RAB6A: variants seen among roughly 807,000 people sequenced by gnomAD.
The protein encoded by RAB6A is ras-related protein Rab-6A.
RAB6A carries 8 observed loss-of-function variants against 32.3 expected under a neutral mutation model. The observed-to-expected ratio is 0.25, with a 90% CI of 0.15 to 0.45. The LOEUF (loss-of-function observed/expected upper bound fraction) is 0.45. Among genes scored for constraint, RAB6A ranks in the 20% least tolerant of loss-of-function variants. The pLI is 1.00. For synonymous variants in RAB6A, 73 were observed against 82.1 expected (o/e 0.89, Z 0.60); for missense variants, 104 against 249.4 (o/e 0.42, Z 3.93).
chr11:73,685,885 C>CA (rs56270679), intron 6 of RAB6A, among the ~76,000 whole-genome samples: 3,164 of 102,298 alleles, frequency 0.031, 160 homozygotes, highest in Non-Finnish European at 0.042. Flanking sequence ...AACTCCGTCT[C>CA]AAAAAAAAAA....
At chr11:73,685,592 G>GTCTTTTTTTTTTTTTTTTTTTTTTT (rs1555054185) in intron 6 of RAB6A, among the ~76,000 whole-genome samples, 1 of 145,050 alleles carries the variant, frequency 6.9e-6, no homozygotes, top group African/African-American at 2.5e-5. Context: ...CGGACTGAAA[G>GTCTTTTTTTTTTTTTTTTTTTTTTT]TAGCGACCAG....
chr11:73,746,106 A>AC (rs1469514864), intron 1 of RAB6A, among the ~76,000 whole-genome samples: 1 of 152,020 alleles, frequency 6.6e-6, no homozygotes, highest in Non-Finnish European at 1.5e-5. Context: ...GAGTGAGAGG[A>AC]TCACTTGAGC....
intron 1 of RAB6A, among the ~76,000 whole-genome samples, chr11:73,753,528 G>A (rs11235887): frequency 0.1 from 15,675 of 151,392 alleles, 887 homozygotes; most frequent in South Asian, 0.27. Context: ...TGGCTAACAC[G>A]GTGAAACCCC....
intron 1 of RAB6A, among the ~76,000 whole-genome samples, chr11:73,755,606 A>T (rs527807675): frequency 6.6e-6 from 1 of 152,234 alleles, no homozygotes; most frequent in Admixed American, 6.5e-5. Context: ...ATGTTGACAT[A>T]AACTACATAA....
intron 6 of RAB6A, among the ~76,000 whole-genome samples, chr11:73,686,035 C>T (rs1461431551): frequency 6.6e-6 from 1 of 151,736 alleles, no homozygotes; most frequent in Non-Finnish European, 1.5e-5. Context: ...AGGACTAGAA[C>T]AAAACACCCA....
rs1418917385 is a variant in RAB6A at position 73,675,650 on chromosome 11, G to C, written c.*2248C>G. ...ACCAGGTCAATAATTGTTTTCTTTC[G>C]TGTTTTATTTATATATTTTTGGCAG... On this transcript the variant is annotated 3_prime_UTR_variant, in exon 8 of 8. Transcript: ENST00000336083. 6.6e-6 allele frequency: 1 copy of C among 152,352 alleles called. No individual in the cohort carries two copies. The highest frequency in any genetic ancestry group is 2.4e-5 in the African/African-American group (1 of 41,220). The allele number at this position is 152,352 out of a possible 1,614,324, so 9.4% of individuals were successfully genotyped here. A position where few individuals can be genotyped will look rare whatever the true frequency, so the allele number is the denominator to read the frequency against.
At chr11:73,708,852 T>A (rs75573846) in intron 5 of RAB6A, among the ~76,000 whole-genome samples, 1 of 152,158 alleles carries the variant, frequency 6.6e-6, no homozygotes, top group Non-Finnish European at 1.5e-5. Context: ...GAGTTGTCCT[T>A]ATTCTCAAAA....
At chr11:73,730,698 T>A (rs72976849) in intron 2 of RAB6A, 67 bp downstream of exon 2, 121,357 of 1,298,860 alleles carry the variant, frequency 0.093, 6,597 homozygotes, top group Admixed American at 0.13. Flanking sequence ...AATAATTTTT[T>A]AAAAATATCT....
At chr11:73,718,010 C>T (rs1206575611) in intron 4 of RAB6A, among the ~76,000 whole-genome samples, 1 of 152,172 alleles carries the variant, frequency 6.6e-6, no homozygotes, top group Non-Finnish European at 1.5e-5. Context: ...CTAGTTGTTT[C>T]ACCTCCTATT....
At position 73,686,975 on chromosome 11, in the gene RAB6A, C is replaced by T. The variant is rs114438407; in HGVS notation, c.496-7255G>A. Among the ~76,000 whole-genome samples the T allele has an allele frequency of 5.4e-3, 816 of 151,958 alleles. 7 individuals are homozygous for T. The highest frequency in any genetic ancestry group is 0.018 in the African/African-American group (736 of 41,458). On this transcript the variant is annotated intron_variant, in intron 6 of 7. Transcript: ENST00000336083. ...ATAGCCAAAAGGTAGAAACAACCCA[C>T]GTGCTATATATGTAAATATATATTA... is the stretch of plus-strand genomic sequence containing the variant.
chr11:73,714,237 T>C (rs1019781563), intron 5 of RAB6A, among the ~76,000 whole-genome samples: 2 of 118,086 alleles, frequency 1.7e-5, no homozygotes, highest in African/African-American at 2.9e-5. Flanking sequence ...TATACACACA[T>C]ATAATTTGAC....
chr11:73,685,349 C>T (rs1262084496), intron 6 of RAB6A, among the ~76,000 whole-genome samples: 5 of 133,390 alleles, frequency 3.7e-5, no homozygotes, highest in African/African-American at 5.8e-5. Flanking sequence ...AGTGCAGTGG[C>T]GCGATCTCAG....
intron 2 of RAB6A, among the ~76,000 whole-genome samples, chr11:73,726,985 C>T (rs1161166759): frequency 6.6e-6 from 1 of 152,048 alleles, no homozygotes; most frequent in Non-Finnish European, 1.5e-5. Context: ...AGGAGGCTAG[C>T]AGATTGTCTA....
chr11:73,679,227 A>G (rs907612316), intron 7 of RAB6A, among the ~76,000 whole-genome samples: 4 of 152,224 alleles, frequency 2.6e-5, no homozygotes, highest in African/African-American at 9.6e-5. Flanking sequence ...ATGAACTAAT[A>G]TTATGTCCTG....
chr11:73,702,821 C>T (rs1176150677), intron 6 of RAB6A, among the ~76,000 whole-genome samples: 1 of 151,886 alleles, frequency 6.6e-6, no homozygotes, highest in Non-Finnish European at 1.5e-5. Flanking sequence ...ATACATTTCA[C>T]TGTACATAAA....
intron 7 of RAB6A, 131 bp downstream of exon 7, chr11:73,679,523 G>C (rs1945320170): frequency 8.7e-7 from 1 of 1,144,020 alleles, no homozygotes; most frequent in African/African-American, 1.6e-5. Flanking sequence ...GAAAACAAAT[G>C]AATTTCTATG....
chr11:73,750,790 G>C (rs12283979), intron 1 of RAB6A, among the ~76,000 whole-genome samples: 1,659 of 152,214 alleles, frequency 0.011, 27 homozygotes, highest in African/African-American at 0.035. Context: ...ATGAGTATGG[G>C]GGTAAATAAG....
At chr11:73,697,173 G>T (rs1275128388) in intron 6 of RAB6A, among the ~76,000 whole-genome samples, 2 of 151,988 alleles carry the variant, frequency 1.3e-5, no homozygotes, top group Admixed American at 1.3e-4. Context: ...CTCTTCCCTG[G>T]ATGTATAAAT....
At position 73,760,868 on chromosome 11, in the gene RAB6A, G is replaced by C; in HGVS notation, c.-233C>G. ...CCGAGCGAGGCCCGCGGCTGGGAAG[G>C]GAAGGAGGGCGGTGTCGGCAGGAGC... On this transcript the variant is annotated 5_prime_UTR_variant, in exon 1 of 8. Transcript: ENST00000336083. 1.9e-6 allele frequency: 1 copy of C among 523,538 alleles called. No homozygotes were observed. Among genetic ancestry groups the C allele is most frequent in the East Asian group, 3.3e-5 (1 of 30,436 alleles). 32.4% of individuals were successfully genotyped at this position (523,538 alleles called of 1,614,324 possible).
Sources: allele counts gnomAD v4.1 joint callset (sites outside exome capture counted in the v4.1 genomes callset), GRCh38; gene constraint gnomAD v4.1.1; transcripts MANE v1.5; gene names NCBI Gene and HGNC (gene_info 2026-07-23, HGNC 2026-07-21).